Variants in CASD1 observed in about 807,000 individuals in gnomAD.
CASD1 encodes the protein CAS1 domain sialic acid O acetyltransferase 1.
A neutral mutation model predicts 100.0 loss-of-function variants in CASD1; 41 were observed. The ratio of observed to expected loss-of-function variants is 0.41; its 90% CI spans 0.32 to 0.53. CASD1 has a LOEUF of 0.53. Ranked by LOEUF, CASD1 falls within the 20% of genes least tolerant of loss-of-function variation. The pLI, the probability that CASD1 is intolerant of heterozygous loss-of-function variation, is 0.25. For missense variants in CASD1, 774 were observed against 948.7 expected (o/e 0.82, Z 2.42); for synonymous variants, 321 against 315.6 (o/e 1.02, Z -0.18).
At chr7:94,570,447 A>C in the CASD1 span, among the ~76,000 whole-genome samples, 58 of 152,294 alleles carry the variant, frequency 3.8e-4, no homozygotes, top group African/African-American at 1.3e-3. Context: ...CACAAATTAC[A>C]TTTTTATGCA....
chr7:94,632,412 G>A, the CASD1 span, among the ~76,000 whole-genome samples: 1 of 151,932 alleles, frequency 6.6e-6, no homozygotes, highest in Non-Finnish European at 1.5e-5. Context: ...GGCCCTCCTG[G>A]GTTTGAAGAT....
At chr7:94,533,831 C>T (rs1177468859) in intron 7 of CASD1, 29 bp downstream of exon 7, 2 of 1,510,548 alleles carry the variant, frequency 1.3e-6, no homozygotes, top group East Asian at 2.5e-5. Context: ...AAAAATGTCA[C>T]TTTGTGTATA....
rs770042357 is a variant in CASD1, at chr7:94,555,759, G to A, written c.*1G>A. On this transcript the variant is annotated 3_prime_UTR_variant, in exon 18 of 18. Transcript: ENST00000297273. ...CATTCAAGATAAATCAAAACATTAG[G>A]TTCCAAAAATTCTAAAAAACCTAAA... 2.5e-6 allele frequency: 4 copies of A among 1,607,360 alleles called. No homozygotes were observed. Among genetic ancestry groups the A allele is most frequent in the Middle Eastern group, 1.7e-4 (1 of 5,978 alleles).
At chr7:94,515,139 T>A (rs7779842) in intron 1 of CASD1, among the ~76,000 whole-genome samples, 1 of 151,890 alleles carries the variant, frequency 6.6e-6, no homozygotes, top group East Asian at 1.9e-4. Context: ...TTCAGTTGTC[T>A]ACTTAGCAAT....
At chr7:94,522,770 G>A (rs576211139) in intron 3 of CASD1, among the ~76,000 whole-genome samples, 28 of 151,734 alleles carry the variant, frequency 1.8e-4, no homozygotes, top group African/African-American at 5.6e-4. Context: ...CCATTCTCCC[G>A]CCTCAGCCTC....
the CASD1 span, among the ~76,000 whole-genome samples, chr7:94,602,362 A>G: frequency 1.3e-5 from 2 of 152,186 alleles, no homozygotes; most frequent in African/African-American, 4.8e-5. Context: ...AAAAGGCCAC[A>G]AGGAGTGCTA....
chr7:94,527,061 A>T, intron 3 of CASD1, 101 bp from the exon 4 acceptor site: 1 of 899,190 alleles, frequency 1.1e-6, no homozygotes, highest in Non-Finnish European at 1.8e-6. Context: ...AAAATATATC[A>T]ACAAAAATAT....
At chr7:94,573,568 C>CA in the CASD1 span, among the ~76,000 whole-genome samples, 3 of 152,152 alleles carry the variant, frequency 2.0e-5, no homozygotes, top group Admixed American at 6.5e-5. Context: ...GATTTTTGTA[C>CA]ATTGATTTTG....
chr7:94,609,774 G>T, the CASD1 span, among the ~76,000 whole-genome samples: 1 of 152,206 alleles, frequency 6.6e-6, no homozygotes. Flanking sequence ...ATGCAAGATG[G>T]TGTAGCCAAT....
In CASD1 at chr7:94,541,056, T is replaced by C. The variant is rs1795367559; in HGVS notation, c.1356+2000T>C. ...CATCCTAATATATTCTAATTTACAA[T>C]TTTAAAAAATCTGTGTTCTGGAAGG... On this transcript the variant is annotated intron_variant, in intron 10 of 17. Coordinates refer to ENST00000297273, the MANE Select transcript of CASD1 (RefSeq NM_022900.5). 2.6e-5 allele frequency among the ~76,000 whole-genome samples: 4 copies of C among 152,216 alleles called. No individual in the cohort carries two copies. In the East Asian group the frequency reaches 7.7e-4, roughly 29 times the overall value.
intron 3 of CASD1, among the ~76,000 whole-genome samples, chr7:94,526,820 A>C (rs1352536949): frequency 1.3e-5 from 2 of 152,130 alleles, no homozygotes; most frequent in African/African-American, 4.8e-5. Flanking sequence ...AAATCAAACA[A>C]AAAATAGTAA....
the CASD1 span, chr7:94,603,293 T>A: frequency 2.5e-6 from 4 of 1,611,236 alleles, no homozygotes; most frequent in Admixed American, 5.0e-5. Context: ...AACTTACCAA[T>A]GAAATTTTGC....
chr7:94,522,339 G>A (rs1047866841), intron 3 of CASD1, among the ~76,000 whole-genome samples: 4 of 152,148 alleles, frequency 2.6e-5, no homozygotes, highest in African/African-American at 9.7e-5. Flanking sequence ...GCATTTTCAG[G>A]GATACAGAAA....
the CASD1 span, among the ~76,000 whole-genome samples, chr7:94,633,894 C>T: frequency 6.6e-6 from 1 of 152,166 alleles, no homozygotes; most frequent in African/African-American, 2.4e-5. Flanking sequence ...ACACACACAG[C>T]CCCTTCACTA....
At chr7:94,559,379 A>G (rs986771356), downstream of CASD1, among the ~76,000 whole-genome samples, 2 of 151,662 alleles carry the variant, frequency 1.3e-5, no homozygotes, top group Non-Finnish European at 2.9e-5. Context: ...GCAGACATTT[A>G]TGTTCAAAAG....
rs1249439446 is a variant in CASD1 at position 94,553,209 on chromosome 7, G to A, written c.2034+782G>A. 8.1e-6 allele frequency: 3 copies of A among 370,644 alleles called. No individual in the cohort carries two copies. In the East Asian group the frequency reaches 2.1e-4, roughly 26 times the overall value. The allele number at this position is 370,644 out of a possible 1,614,324, so 23.0% of individuals were successfully genotyped here. ...TGTTTCTTTAAATGACTCACAACCT[G>A]TGCTATAGTAAGTACCTTATGTATG... is the stretch of plus-strand genomic sequence containing the variant. On this transcript the variant is annotated intron_variant, in intron 16 of 17. Coordinates refer to ENST00000297273, the MANE Select transcript of CASD1 (RefSeq NM_022900.5).
At chr7:94,628,250 T>C in the CASD1 span, 2 of 1,611,990 alleles carry the variant, frequency 1.2e-6, no homozygotes, top group East Asian at 2.2e-5. Context: ...GGGACCCATA[T>C]AGGACTCCAT....
At chr7:94,569,030 A>G in the CASD1 span, among the ~76,000 whole-genome samples, 2 of 152,220 alleles carry the variant, frequency 1.3e-5, no homozygotes, top group Non-Finnish European at 1.5e-5. Context: ...AAAGGGAAAT[A>G]TTAATGCCTT....
the CASD1 span, chr7:94,590,130 C>T: frequency 1.3e-5 from 2 of 152,196 alleles, no homozygotes; most frequent in Admixed American, 6.5e-5. Flanking sequence ...TTGAAGCCAA[C>T]AACCAACTAC....
Sources: gnomAD v4.1 joint callset for allele counts (sites outside exome capture counted in the v4.1 genomes callset) on GRCh38, gnomAD v4.1.1 for gene constraint, MANE v1.5 for transcripts, NCBI Gene and HGNC (gene_info 2026-07-23, HGNC 2026-07-21) for gene names.